Variants in TRHDE observed in about 807,000 individuals in gnomAD.
TRHDE encodes thyrotropin-releasing hormone-degrading ectoenzyme.
Under a neutral mutation model 125.7 loss-of-function variants are expected in TRHDE, and 72 were observed. The observed-to-expected ratio is 0.57, with a 90% CI of 0.47 to 0.70. The LOEUF is 0.70. Among genes scored for constraint, TRHDE ranks in the 30% least tolerant of loss-of-function variants. TRHDE has a pLI of 0.00. For synonymous variants in TRHDE, 509 were observed against 509.1 expected (o/e 1.00, Z 0.00); for missense variants, 1,110 against 1,327.1 (o/e 0.84, Z 2.54).
chr12:72,508,835 A>G (rs1021303118), intron 6 of TRHDE, among the ~76,000 whole-genome samples: 1 of 152,092 alleles, frequency 6.6e-6, no homozygotes. Context: ...TGTTCTCATG[A>G]TAGTGAATGA....
Position 72,272,637 on chromosome 12 carries a change from C to A in TRHDE, c.-7C>A. The A allele has an allele frequency of 1.0e-6, 1 of 980,028 alleles. No individual in the cohort carries two copies. The highest frequency in any genetic ancestry group is 1.4e-6 in the Non-Finnish European group (1 of 697,802). The allele number at this position is 980,028 out of a possible 1,614,324, so 60.7% of individuals were successfully genotyped here. A position where few individuals can be genotyped will look rare whatever the true frequency, so the allele number is the denominator to read the frequency against. On this transcript the variant is annotated 5_prime_UTR_variant, in exon 1 of 19. Coordinates refer to ENST00000261180, the MANE Select transcript of TRHDE (RefSeq NM_013381.3). This position sits in a 1 kb window ranked among gnomAD's most constrained non-coding sequence, Gnocchi z 6.7. Reference sequence around the variant, plus strand: ...GAGGGGGCGGGGGAGGAGGAGGAGGCGGTGTGATGGCCCTGGACGGCGAGC... The same window carrying A: ...GAGGGGGCGGGGGAGGAGGAGGAGGAGGTGTGATGGCCCTGGACGGCGAGC...
chr12:72,173,122 ATTGTTT>A (rs1170708963), intron 2 of TRHDE, among the ~76,000 whole-genome samples: 8 of 152,206 alleles, frequency 5.3e-5, no homozygotes, highest in Non-Finnish European at 1.0e-4. Context: ...TACATCTTTC[ATTGTTT>A]CTATAATGCC....
intron 15 of TRHDE, among the ~76,000 whole-genome samples, chr12:72,639,022 T>G (rs1873904094): frequency 6.6e-6 from 1 of 151,016 alleles, no homozygotes. Context: ...TGTGGCATTC[T>G]CTGTATTTCC....
At chr12:72,292,083 G>A (rs1445781139) in intron 2 of TRHDE, among the ~76,000 whole-genome samples, 4 of 152,142 alleles carry the variant, frequency 2.6e-5, no homozygotes, top group African/African-American at 7.2e-5. Flanking sequence ...ATGAACCTTT[G>A]TCTACTTTGA....
chr12:72,330,456 C>A (rs774754204), intron 2 of TRHDE, among the ~76,000 whole-genome samples: 1 of 152,126 alleles, frequency 6.6e-6, no homozygotes, highest in Admixed American at 6.5e-5. Flanking sequence ...TGGAGCCGAG[C>A]GAGCAGCGCT....
intron 12 of TRHDE, among the ~76,000 whole-genome samples, chr12:72,578,984 G>GTTTTT (rs3081947): frequency 0.12 from 16,363 of 135,676 alleles, 1,959 homozygotes; most frequent in African/African-American, 0.3. Flanking sequence ...ACTGTTTAGT[G>GTTTTT]TTTTTTTTTT....
chr12:72,530,880 C>A (rs1165425001), intron 6 of TRHDE, among the ~76,000 whole-genome samples: 1 of 152,032 alleles, frequency 6.6e-6, no homozygotes, highest in Non-Finnish European at 1.5e-5. Flanking sequence ...TGTTTACTAA[C>A]TGCCTCTTTT....
intron 7 of TRHDE, among the ~76,000 whole-genome samples, chr12:72,554,054 G>A (rs1869806427): frequency 2.0e-5 from 3 of 151,854 alleles, no homozygotes; most frequent in Admixed American, 1.3e-4. Context: ...CACCACGTTG[G>A]CCAGGCTGGT....
chr12:72,486,126 A>T (rs942661005), intron 5 of TRHDE, among the ~76,000 whole-genome samples: 2 of 152,148 alleles, frequency 1.3e-5, no homozygotes, highest in Non-Finnish European at 2.9e-5. Flanking sequence ...ACATGTCAAT[A>T]CTGTGCCTGG....
At chr12:72,592,989 A>G (rs1325961038) in intron 12 of TRHDE, among the ~76,000 whole-genome samples, 1 of 152,198 alleles carries the variant, frequency 6.6e-6, no homozygotes, top group Non-Finnish European at 1.5e-5. Context: ...CTGGGATTAC[A>G]GGCGTGAGCC....
At chr12:72,391,522 C>A (rs1237401826) in intron 3 of TRHDE, among the ~76,000 whole-genome samples, 1 of 151,884 alleles carries the variant, frequency 6.6e-6, no homozygotes, top group South Asian at 2.1e-4. Flanking sequence ...TGGGTTCTGT[C>A]TTCGTATGGT....
intron 1 of TRHDE, among the ~76,000 whole-genome samples, chr12:72,095,399 C>T (rs1874891134): frequency 6.6e-6 from 1 of 152,008 alleles, no homozygotes; most frequent in Non-Finnish European, 1.5e-5. Context: ...TTTGGTGGTC[C>T]TAGATGAGAA....
chr12:72,108,661 A>G (rs1875245306), intron 2 of TRHDE, among the ~76,000 whole-genome samples: 1 of 152,028 alleles, frequency 6.6e-6, no homozygotes, highest in African/African-American at 2.4e-5. Flanking sequence ...ATTTGCGAGA[A>G]CCTGGTGTTC....
At chr12:72,518,026 C>T (rs11179234) in intron 6 of TRHDE, among the ~76,000 whole-genome samples, 1 of 143,356 alleles carries the variant, frequency 7.0e-6, no homozygotes, top group Admixed American at 7.0e-5. Context: ...GTTATAATTT[C>T]TGTTCTTTTA....
intron 18 of TRHDE, among the ~76,000 whole-genome samples, chr12:72,658,206 G>C (rs370490067): frequency 6.6e-6 from 1 of 152,190 alleles, no homozygotes; most frequent in East Asian, 1.9e-4. Flanking sequence ...TTAAATAAAG[G>C]AAGCTAAATG....
At chr12:72,512,458 A>ATAAT (rs1878628976) in intron 6 of TRHDE, among the ~76,000 whole-genome samples, 1 of 139,902 alleles carries the variant, frequency 7.1e-6, no homozygotes. Flanking sequence ...ATATAATTAT[A>ATAAT]ATATATTATA....
At chr12:72,365,587 GT>G (rs1482699618) in intron 2 of TRHDE, among the ~76,000 whole-genome samples, 1 of 152,074 alleles carries the variant, frequency 6.6e-6, no homozygotes, top group Non-Finnish European at 1.5e-5. Flanking sequence ...ATATAGGTGA[GT>G]GATACAGGTG....
intron 3 of TRHDE, among the ~76,000 whole-genome samples, chr12:72,392,267 G>C (rs925522556): frequency 2.6e-5 from 4 of 152,148 alleles, no homozygotes; most frequent in Non-Finnish European, 5.9e-5. Context: ...ATTTTGCTGA[G>C]ATTTGTAGTA....
chr12:72,099,921 A>G (rs1409589078), intron 1 of TRHDE, among the ~76,000 whole-genome samples: 2 of 152,328 alleles, frequency 1.3e-5, no homozygotes, highest in East Asian at 3.9e-4. Flanking sequence ...GAAAGGGTAC[A>G]ATGTTTCAGA....
Sources: allele counts gnomAD v4.1 joint callset (sites outside exome capture counted in the v4.1 genomes callset), GRCh38; gene constraint gnomAD v4.1.1; non-coding constraint Gnocchi (gnomAD v3.1); transcripts MANE v1.5; gene names NCBI Gene and HGNC (gene_info 2026-07-23, HGNC 2026-07-21).